GLT1D1: variants seen among roughly 807,000 people sequenced by gnomAD.
GLT1D1 encodes the protein glycosyltransferase 1 domain-containing protein 1.
GLT1D1 carries 21 observed loss-of-function variants against 28.7 expected under a neutral mutation model. That is an observed-to-expected ratio of 0.73 (90% CI 0.52 to 1.05). GLT1D1 has a LOEUF of 1.05. Among genes scored for constraint, GLT1D1 ranks in the 50% least tolerant of loss-of-function variants. The pLI is 0.00. For synonymous variants in GLT1D1, 147 were observed against 124.8 expected, an observed-to-expected ratio of 1.18 and a Z score of -1.19; for missense variants, 343 against 330.6, an observed-to-expected ratio of 1.04 and a Z score of -0.29.
At chr12:128,931,917 G>GCACACACACACACACA (rs372135029) in intron 4 of GLT1D1, among the ~76,000 whole-genome samples, 116 of 141,104 alleles carry the variant, frequency 8.2e-4, no homozygotes, top group African/African-American at 2.9e-3. Flanking sequence ...ACACACGCAC[G>GCACACACACACACACA]CACACACACA....
At chr12:128,981,022 A>G (rs755439505) in intron 7 of GLT1D1, among the ~76,000 whole-genome samples, 53 of 152,142 alleles carry the variant, frequency 3.5e-4, no homozygotes, top group Non-Finnish European at 6.6e-4. Flanking sequence ...GCAGCCACAC[A>G]GGAGCTTTTA....
chr12:128,869,851 G>A (rs1308703952), intron 1 of GLT1D1, among the ~76,000 whole-genome samples: 1 of 151,938 alleles, frequency 6.6e-6, no homozygotes, highest in African/African-American at 2.4e-5. Flanking sequence ...TGACATTTGA[G>A]TTCAAGACAC....
At chr12:128,884,617 G>C (rs1369272769) in intron 2 of GLT1D1, among the ~76,000 whole-genome samples, 3 of 151,946 alleles carry the variant, frequency 2.0e-5, no homozygotes, top group Non-Finnish European at 4.4e-5. Context: ...GAGTTCGAGA[G>C]CTGCCTGGCC....
At chr12:128,897,692 A>G (rs1037591686) in intron 3 of GLT1D1, among the ~76,000 whole-genome samples, 19 of 151,958 alleles carry the variant, frequency 1.3e-4, no homozygotes, top group African/African-American at 4.6e-4. Flanking sequence ...TTTTTGAGAC[A>G]GAGTCTCGCT....
At chr12:128,959,651 G>T (rs1877738232) in intron 7 of GLT1D1, among the ~76,000 whole-genome samples, 1 of 152,118 alleles carries the variant, frequency 6.6e-6, no homozygotes. Context: ...CTTCTCTTTT[G>T]ATAGTAATAC....
At chr12:128,932,247 G>GACA (rs1387254117) in intron 4 of GLT1D1, among the ~76,000 whole-genome samples, 3 of 152,148 alleles carry the variant, frequency 2.0e-5, no homozygotes, top group Non-Finnish European at 4.4e-5. Flanking sequence ...CATACCTGAT[G>GACA]ACAACATACG....
intron 4 of GLT1D1, among the ~76,000 whole-genome samples, chr12:128,933,209 A>AG (rs1874120618): frequency 6.6e-6 from 1 of 152,238 alleles, no homozygotes; most frequent in Admixed American, 6.5e-5. Flanking sequence ...TGCTTTACCA[A>AG]GGCCAGTTTC....
At chr12:128,887,971 T>A (rs1868586792) in intron 2 of GLT1D1, among the ~76,000 whole-genome samples, 1 of 150,138 alleles carries the variant, frequency 6.7e-6, no homozygotes, top group Non-Finnish European at 1.5e-5. Flanking sequence ...GTCCTGCCCA[T>A]CTGCGCTCAT....
intron 1 of GLT1D1, among the ~76,000 whole-genome samples, chr12:128,857,851 G>T (rs570550): frequency 0.67 from 102,553 of 152,108 alleles, 37,074 homozygotes; most frequent in Non-Finnish European, 0.8. Flanking sequence ...CTATAAGTAA[G>T]GGTGCTAAAT....
intron 2 of GLT1D1, among the ~76,000 whole-genome samples, chr12:128,882,606 C>T (rs1223943980): frequency 6.6e-6 from 1 of 152,122 alleles, no homozygotes; most frequent in Non-Finnish European, 1.5e-5. Context: ...ACAATATCAA[C>T]TTTCATTCCT....
At chr12:128,876,466 G>A (rs992466353) in intron 2 of GLT1D1, among the ~76,000 whole-genome samples, 6 of 151,424 alleles carry the variant, frequency 4.0e-5, no homozygotes, top group South Asian at 2.1e-4. Context: ...ATGCCACCAT[G>A]TCCCCTAATT....
chr12:128,970,678 G>A (rs1878950128), intron 7 of GLT1D1, among the ~76,000 whole-genome samples: 1 of 152,262 alleles, frequency 6.6e-6, no homozygotes, highest in South Asian at 2.1e-4. Context: ...CTCTAACCGA[G>A]CTGCGCCCAC....
chr12:128,946,347 TTTGTTG>T (rs532535900), intron 5 of GLT1D1, among the ~76,000 whole-genome samples: 5 of 152,076 alleles, frequency 3.3e-5, no homozygotes, highest in African/African-American at 1.2e-4. Flanking sequence ...TCCATTCTTT[TTTGTTG>T]TTGTTGTTGT....
At chr12:128,883,019 C>T (rs1427178098) in intron 2 of GLT1D1, among the ~76,000 whole-genome samples, 4 of 151,232 alleles carry the variant, frequency 2.6e-5, no homozygotes, top group Non-Finnish European at 5.9e-5. Flanking sequence ...TCTGACTCCC[C>T]TGGTTCAAGC....
Position 128,853,484 on chromosome 12 carries a change from C to A in GLT1D1, c.-98C>A. On this transcript the variant is annotated 5_prime_UTR_variant, in exon 1 of 8. Transcript: ENST00000281703. ...TCGGGGAGGGGCGGGCGGGACAGAC[C>A]CAGCCGCCCCGGCTCCCCCGCCGTC... The A allele has an allele frequency of 1.1e-6, 1 of 941,024 alleles. No individual in the cohort carries two copies. Among genetic ancestry groups the A allele is most frequent in the Non-Finnish European group, 1.3e-6 (1 of 786,384 alleles). 58.3% of individuals were successfully genotyped at this position (941,024 alleles called of 1,614,324 possible). A position where few individuals can be genotyped will look rare whatever the true frequency, so the allele number is the denominator to read the frequency against.
chr12:128,862,941 A>C (rs1956416560), intron 1 of GLT1D1, among the ~76,000 whole-genome samples: 1 of 152,204 alleles, frequency 6.6e-6, no homozygotes, highest in Non-Finnish European at 1.5e-5. Flanking sequence ...GGGTGATGAC[A>C]GAGAGAGGAC....
At chr12:128,968,159 C>G (rs963618443) in intron 7 of GLT1D1, among the ~76,000 whole-genome samples, 1 of 151,910 alleles carries the variant, frequency 6.6e-6, no homozygotes, top group African/African-American at 2.4e-5. Flanking sequence ...CCACACCTGG[C>G]TAATTTTTTG....
intron 4 of GLT1D1, chr12:128,912,431 C>T (rs1365109745): frequency 2.6e-6 from 4 of 1,526,160 alleles, no homozygotes; most frequent in Middle Eastern, 1.7e-4. Context: ...AAGCCGCATG[C>T]TAAGGGTAAG....
intron 6 of GLT1D1, among the ~76,000 whole-genome samples, chr12:128,950,352 A>G (rs897284543): frequency 3.3e-5 from 5 of 152,224 alleles, no homozygotes; most frequent in Admixed American, 3.3e-4. Flanking sequence ...AGTTGTACCC[A>G]AATGCCATTG....
Sources: allele counts gnomAD v4.1 joint callset (sites outside exome capture counted in the v4.1 genomes callset), GRCh38; gene constraint gnomAD v4.1.1; transcripts MANE v1.5; gene names NCBI Gene and HGNC (gene_info 2026-07-23, HGNC 2026-07-21).